The following TRPA1 variants were observed in gnomAD, a reference collection of about 807,000 sequenced individuals.
The protein encoded by TRPA1 is ankyrin-like with transmembrane domains 1.
TRPA1 carries 129 observed loss-of-function variants against 131.3 expected under a neutral mutation model. That is an observed-to-expected ratio of 0.98 (90% confidence interval 0.85 to 1.14). The LOEUF (loss-of-function observed/expected upper bound fraction) is 1.14. Among genes scored for constraint, TRPA1 ranks in the 50% most tolerant of loss-of-function variants. The pLI is 0.00. For synonymous variants in TRPA1, 441 were observed against 451.7 expected (o/e 0.98, Z 0.30); for missense variants, 1,304 against 1,354.2 (o/e 0.96, Z 0.58).
At chr8:72,036,499 T>C in intron 20 of TRPA1, 42 bp from the exon 21 acceptor site, 1 of 1,529,184 alleles carries the variant, frequency 6.5e-7, no homozygotes, top group Non-Finnish European at 9.0e-7. Flanking sequence ...TATAGAGACC[T>C]AGCATCTATG....
the TRPA1 span, among the ~76,000 whole-genome samples, chr8:72,083,855 G>A: frequency 6.6e-6 from 1 of 152,156 alleles, no homozygotes; most frequent in Non-Finnish European, 1.5e-5. Flanking sequence ...TTTCTGTTCA[G>A]ATATTTTTAA....
At chr8:72,084,561 A>G in the TRPA1 span, among the ~76,000 whole-genome samples, 2 of 150,532 alleles carry the variant, frequency 1.3e-5, no homozygotes, top group African/African-American at 4.9e-5. Flanking sequence ...TTATTTGAGA[A>G]TTGATTTTGA....
intron 24 of TRPA1, among the ~76,000 whole-genome samples, chr8:72,026,760 C>A (rs970125355): frequency 6.6e-6 from 1 of 151,950 alleles, no homozygotes; most frequent in African/African-American, 2.4e-5. Context: ...TTTTTACACC[C>A]CTTTGTATCT....
At chr8:72,089,183 T>G in the TRPA1 span, among the ~76,000 whole-genome samples, 149 of 152,312 alleles carry the variant, frequency 9.8e-4, no homozygotes, top group African/African-American at 3.4e-3. Flanking sequence ...CTATTTAACC[T>G]GAAGCAGTTG....
chr8:72,061,080 C>T (rs548257367), intron 7 of TRPA1, among the ~76,000 whole-genome samples: 1 of 152,238 alleles, frequency 6.6e-6, no homozygotes, highest in African/African-American at 2.4e-5. Context: ...ACAAGTAAGC[C>T]TATGGCTTAA....
intron 17 of TRPA1, among the ~76,000 whole-genome samples, chr8:72,042,706 C>T (rs1363250961): frequency 6.6e-6 from 1 of 151,854 alleles, no homozygotes; most frequent in Non-Finnish European, 1.5e-5. Flanking sequence ...TATATACATA[C>T]AATGGAATAT....
At chr8:72,073,223 G>A (rs1400057527) in intron 1 of TRPA1, among the ~76,000 whole-genome samples, 1 of 152,174 alleles carries the variant, frequency 6.6e-6, no homozygotes, top group East Asian at 1.9e-4. Context: ...TAGCAATGTG[G>A]CCAAAAGGTT....
At chr8:72,075,809 G>A (rs1398051592), upstream of TRPA1, among the ~76,000 whole-genome samples, 4 of 151,294 alleles carry the variant, frequency 2.6e-5, no homozygotes, top group East Asian at 7.8e-4. Flanking sequence ...CAGAGAATTT[G>A]TTATAATAAA....
chr8:72,038,832 C>A, intron 19 of TRPA1, 33 bp downstream of exon 19: 1 of 1,575,488 alleles, frequency 6.3e-7, no homozygotes, highest in South Asian at 1.1e-5. Context: ...TTTTTATAAT[C>A]CTTTATTTTA....
In TRPA1 at chr8:72,046,560, T is replaced by C. The variant is rs1563391597; in HGVS notation, c.2014A>G (p.Lys672Glu). The change falls in exon 17 of 27, where the codon AAA (lysine) becomes GAA (glutamate). Residue 672 changes from lysine to glutamate, a missense_variant. Transcript: ENST00000262209. ...YLQCPLEFTKKTPTQDVIYEP... is the reference protein window; with the variant it reads ...YLQCPLEFTKETPTQDVIYEP... ...TATATAACATCCTGTGTAGGTGTTTTTTTGGTGAATTCTAATGGACATTGA... is the reference window on the plus strand; with the variant it reads ...TATATAACATCCTGTGTAGGTGTTTCTTTGGTGAATTCTAATGGACATTGA... 6.2e-7 allele frequency: 1 copy of C among 1,601,780 alleles called. No individual in the cohort carries two copies. The highest frequency in any genetic ancestry group is 2.2e-5 in the East Asian group (1 of 44,602).
chr8:72,085,789 A>T, the TRPA1 span, among the ~76,000 whole-genome samples: 1 of 151,994 alleles, frequency 6.6e-6, no homozygotes, highest in South Asian at 2.1e-4. Context: ...TTTTCATATG[A>T]CTTAAAAATT....
intron 21 of TRPA1, 72 bp from the exon 22 acceptor site, chr8:72,034,449 T>C: frequency 1.9e-6 from 2 of 1,047,176 alleles, no homozygotes; most frequent in South Asian, 3.1e-5. Flanking sequence ...ACAATATTTA[T>C]CATGTATTAA....
rs759043130 is a variant in TRPA1 at position 72,053,842 on chromosome 8, G to A, written c.1555C>T (p.His519Tyr). ...GTGTACCCGCCCATGGACGCATGAT[G>A]CAAAGCTGTCCAGCCATTGTGGTCA... Reference protein sequence around the residue: ...LSDHNGWTALHHASMGGYTQT... With the variant: ...LSDHNGWTALYHASMGGYTQT... The change falls in exon 13 of 27, where the codon CAT becomes TAT. Residue 519 changes from histidine to tyrosine, a missense_variant. His to Tyr is a moderately conservative substitution (Grantham distance 83). Coordinates refer to ENST00000262209, the MANE Select transcript of TRPA1 (RefSeq NM_007332.3). 5 of 1,611,764 alleles carry A rather than the reference G, an allele frequency of 3.1e-6. No homozygotes were observed. The highest frequency in any genetic ancestry group is 2.2e-5 in the South Asian group (2 of 90,786).
intron 15 of TRPA1, among the ~76,000 whole-genome samples, chr8:72,049,017 G>A (rs2383844): frequency 0.61 from 92,233 of 151,966 alleles, 28,194 homozygotes; most frequent in Admixed American, 0.72. Flanking sequence ...TTTGAGATTA[G>A]GTATTTATGT....
rs768717308 is a variant in TRPA1 at position 72,062,818 on chromosome 8, G to A, written c.788C>T (p.Ala263Val). 5 of 1,613,990 alleles carry A rather than the reference G, an allele frequency of 3.1e-6. No homozygotes were observed. The highest frequency in any genetic ancestry group is 4.2e-6 in the Non-Finnish European group (5 of 1,179,962). The change falls in exon 6 of 27, where the codon GCA becomes GTA. Residue 263 changes from alanine (A) to valine (V), a missense_variant. Transcript: ENST00000262209. ...AGTTACCTCCACTGGGTCTATTTGT[G>A]CACCATTGTCCAGGCACATTTTGAT... Reference protein sequence around the residue: ...EMIKMCLDNGAQIDPVEKGRC... With the variant: ...EMIKMCLDNGVQIDPVEKGRC...
At chr8:72,033,363 T>C (rs912131494) in intron 23 of TRPA1, among the ~76,000 whole-genome samples, 1 of 152,214 alleles carries the variant, frequency 6.6e-6, no homozygotes, top group African/African-American at 2.4e-5. Flanking sequence ...TGAGACTGAA[T>C]ATTGGTCTGC....
the TRPA1 span, among the ~76,000 whole-genome samples, chr8:72,084,106 A>G: frequency 6.6e-6 from 1 of 152,160 alleles, no homozygotes; most frequent in Non-Finnish European, 1.5e-5. Flanking sequence ...GAATTTCATT[A>G]GGCTACAGAA....
the TRPA1 span, among the ~76,000 whole-genome samples, chr8:72,085,224 G>A: frequency 0.038 from 5,817 of 152,104 alleles, 374 homozygotes; most frequent in African/African-American, 0.13. Context: ...ATATATGGCT[G>A]AAGTTCCATT....
chr8:72,036,252 C>T, intron 21 of TRPA1, 36 bp downstream of exon 21: 1 of 1,605,788 alleles, frequency 6.2e-7, no homozygotes, highest in South Asian at 1.1e-5. Flanking sequence ...ATTAAAAATG[C>T]TTAAAGGATG....
Sources: allele counts gnomAD v4.1 joint callset (sites outside exome capture counted in the v4.1 genomes callset), GRCh38; gene constraint gnomAD v4.1.1; transcripts MANE v1.5; gene names NCBI Gene and HGNC (gene_info 2026-07-23, HGNC 2026-07-21).